Variants in LCP2 observed in about 807,000 individuals in gnomAD.
LCP2 encodes lymphocyte cytosolic protein 2, also known as 76 kDa tyrosine phosphoprotein.
Under a neutral mutation model 74.5 loss-of-function variants are expected in LCP2, and 29 were observed. The observed-to-expected ratio is 0.39, with a 90% CI of 0.29 to 0.53. The LOEUF is 0.53. Among genes scored for constraint, LCP2 ranks in the 20% least tolerant of loss-of-function variants. LCP2 has a pLI of 0.72. For synonymous variants in LCP2, 228 were observed against 229.5 expected (o/e 0.99, Z 0.06); for missense variants, 604 against 634.6 (o/e 0.95, Z 0.52).
chr5:170,256,693 C>T lies in LCP2; in HGVS notation c.1101-118G>A. The T allele has an allele frequency of 6.8e-6, 5 of 740,018 alleles. No homozygotes were observed. In the South Asian group the frequency reaches 7.4e-5, roughly 11 times the overall value. 45.8% of individuals were successfully genotyped at this position (740,018 alleles called of 1,614,324 possible). ...TCTTGATTTGGTATCACTTTCCCTG[C>T]TGCCCCCAAAACCATGGGGGCTGGG... On this transcript the variant is annotated intron_variant, in intron 16 of 20. Coordinates refer to ENST00000046794, the MANE Select transcript of LCP2 (RefSeq NM_005565.5). This position sits in a 1 kb window ranked among gnomAD's most constrained non-coding sequence, Gnocchi z 4.5.
intron 10 of LCP2, among the ~76,000 whole-genome samples, chr5:170,263,318 C>T (rs1369728530): frequency 6.6e-5 from 10 of 152,072 alleles, no homozygotes; most frequent in South Asian, 2.1e-4. Flanking sequence ...TTAATGTTTC[C>T]TTGGGATTTT....
chr5:170,250,532 A>G (rs768556030), intron 20 of LCP2, among the ~76,000 whole-genome samples, 198 bp downstream of exon 20: 2 of 152,258 alleles, frequency 1.3e-5, no homozygotes, highest in Non-Finnish European at 2.9e-5. Context: ...GAAAAGATAT[A>G]CAAGAAAGAA....
Position 170,256,598 on chromosome 5 carries a change from A to T in LCP2, c.1101-23T>A. On this transcript the variant is annotated intron_variant, in intron 16 of 20. Transcript: ENST00000046794. The surrounding 1 kb of genome is among the most constrained non-coding windows in gnomAD (Gnocchi z 4.5). ...TTACTGAGGAGACAGAAAAAGAACA[A>T]AATTTATTTGGATTGGGGTGATGGG... 1 of 1,589,514 alleles carries T rather than the reference A, an allele frequency of 6.3e-7. No individual in the cohort carries two copies. Among genetic ancestry groups the T allele is most frequent in the Non-Finnish European group, 8.6e-7 (1 of 1,158,018 alleles).
At position 170,268,428 on chromosome 5, in the gene LCP2, G is replaced by A. The variant is rs1407351630; in HGVS notation, c.578C>T (p.Pro193Leu). The change falls in exon 8 of 21, where the codon CCG becomes CTG. Residue 193 changes from proline to leucine, a missense_variant. Pro to Leu is a moderately conservative substitution (Grantham distance 98, BLOSUM62 -3). Transcript: ENST00000046794. The part of the protein sequence containing the change: ...PQQPPVPPQR[P>L]MAALPPPPAG... ...TGGTGGGGGCGGGAGGGCGGCCATCGGTCTCTGGGGGGGCACAGGAGGCTG... is the reference window on the plus strand; with the variant it reads ...TGGTGGGGGCGGGAGGGCGGCCATCAGTCTCTGGGGGGGCACAGGAGGCTG... 8 of 572,380 alleles carry A rather than the reference G, an allele frequency of 1.4e-5. No individual in the cohort carries two copies. The highest frequency in any genetic ancestry group is 2.0e-5 in the African/African-American group (1 of 50,002). The allele number at this position is 572,380 out of a possible 1,614,324, so 35.5% of individuals were successfully genotyped here. A position where few individuals can be genotyped will look rare whatever the true frequency, so the allele number is the denominator to read the frequency against.
At chr5:170,286,256 G>T (rs1363179511) in intron 3 of LCP2, among the ~76,000 whole-genome samples, 1 of 152,134 alleles carries the variant, frequency 6.6e-6, no homozygotes, top group African/African-American at 2.4e-5. Flanking sequence ...ATCAGATCCG[G>T]CTGACTATTG....
At chr5:170,276,019 C>T (rs1291933366) in intron 3 of LCP2, among the ~76,000 whole-genome samples, 159 bp from the exon 4 acceptor site, 2 of 152,208 alleles carry the variant, frequency 1.3e-5, no homozygotes, top group Non-Finnish European at 2.9e-5. Context: ...CTGCTCTTCA[C>T]TTCCTCCCAG....
chr5:170,277,760 A>AAAAG lies in LCP2; in HGVS notation c.189-1904_189-1901dup, dbSNP rs113722001. On this transcript the variant is annotated intron_variant, in intron 3 of 20. Coordinates refer to ENST00000046794, the MANE Select transcript of LCP2 (RefSeq NM_005565.5). ...CTTCGTCTCAAAAAAAAAAAAAAAA[A>AAAAG]AAAGAAAGAAATGGTATCCAAACCT... Among the ~76,000 whole-genome samples, 1,197 of 135,632 alleles carry AAAAG rather than the reference A, an allele frequency of 8.8e-3. 69 individuals carry two copies. Among genetic ancestry groups the AAAAG allele is most frequent in the Middle Eastern group, 0.012 (3 of 260 alleles). The allele number at this position is 135,632 out of a possible 152,430, so 89.0% of individuals were successfully genotyped here.
intron 2 of LCP2, among the ~76,000 whole-genome samples, chr5:170,289,774 A>C (rs1384891679): frequency 1.0e-4 from 11 of 108,566 alleles, no homozygotes; most frequent in East Asian, 2.5e-4. Flanking sequence ...TTTTTTCATC[A>C]CTGAGCAGCA....
At chr5:170,291,641 T>C (rs1484681880) in intron 2 of LCP2, among the ~76,000 whole-genome samples, 1 of 152,156 alleles carries the variant, frequency 6.6e-6, no homozygotes, top group African/African-American at 2.4e-5. Context: ...TGTGGGGAAT[T>C]ACAGAGCCGG....
At chr5:170,296,063 C>T (rs1256873495) in intron 1 of LCP2, among the ~76,000 whole-genome samples, 3 of 152,134 alleles carry the variant, frequency 2.0e-5, no homozygotes, top group Non-Finnish European at 2.9e-5. Flanking sequence ...CCTCTCAGCC[C>T]GTCCCAAGTC....
At position 170,268,477 on chromosome 5, in the gene LCP2, G is replaced by A. The variant is rs1386200427; in HGVS notation, c.529C>T (p.Pro177Ser). ...PNSNSMYIDR[P>S]PSGKTPQQPP... ...TGCTGGGGGGTTTTCCCAGAGGGGGGCCGGTCTGTGGAAACACAAGGTTAT... is the reference window on the plus strand; with the variant it reads ...TGCTGGGGGGTTTTCCCAGAGGGGGACCGGTCTGTGGAAACACAAGGTTAT... The change falls in exon 8 of 21, where the codon CCC becomes TCC. Residue 177 changes from proline to serine, a missense_variant. Coordinates refer to ENST00000046794, the MANE Select transcript of LCP2 (RefSeq NM_005565.5). 7.5e-6 allele frequency: 2 copies of A among 268,144 alleles called. No homozygotes were observed. Among genetic ancestry groups the A allele is most frequent in the Non-Finnish European group, 1.4e-5 (2 of 139,144 alleles). The allele number at this position is 268,144 out of a possible 1,614,324, so 16.6% of individuals were successfully genotyped here. A position where few individuals can be genotyped will look rare whatever the true frequency, so the allele number is the denominator to read the frequency against.
intron 6 of LCP2, among the ~76,000 whole-genome samples, chr5:170,272,457 A>G (rs936020949): frequency 1.3e-5 from 2 of 152,158 alleles, no homozygotes; most frequent in African/African-American, 2.4e-5. Flanking sequence ...TATTTCTTGT[A>G]AATGCCTGTA....
rs574482509 is a variant in LCP2 at position 170,256,008 on chromosome 5, A to G, written c.1150+518T>C. On this transcript the variant is annotated intron_variant, in intron 17 of 20. Coordinates refer to ENST00000046794, the MANE Select transcript of LCP2 (RefSeq NM_005565.5). The surrounding 1 kb of genome is among the most constrained non-coding windows in gnomAD (Gnocchi z 4.5). ...TGAACATGCTCCCCAACTCACAACC[A>G]TGGACAGATTGATCATGGAAATCTA... 2.0e-5 allele frequency among the ~76,000 whole-genome samples: 3 copies of G among 152,354 alleles called. No homozygotes were observed. The highest frequency in any genetic ancestry group is 1.9e-4 in the East Asian group (1 of 5,180).
At chr5:170,290,972 GAA>G (rs748773466) in intron 2 of LCP2, among the ~76,000 whole-genome samples, 3 of 37,202 alleles carry the variant, frequency 8.1e-5, no homozygotes, top group African/African-American at 2.9e-4. Context: ...AAGAAAGAAA[GAA>G]AGAAAGAAAG....
intron 1 of LCP2, among the ~76,000 whole-genome samples, chr5:170,296,743 C>T (rs1762393020): frequency 2.0e-5 from 3 of 152,214 alleles, no homozygotes; most frequent in Non-Finnish European, 4.4e-5. Flanking sequence ...ATCCTTCAAC[C>T]TTTCCTCTAA....
intron 7 of LCP2, among the ~76,000 whole-genome samples, chr5:170,268,833 G>A (rs930318798): frequency 5.0e-5 from 3 of 60,444 alleles, no homozygotes; most frequent in Admixed American, 2.0e-4. Flanking sequence ...GTAAACATAC[G>A]CATACCTCTG....
At chr5:170,257,290 A>G (rs528350306) in intron 16 of LCP2, among the ~76,000 whole-genome samples, 1 of 152,292 alleles carries the variant, frequency 6.6e-6, no homozygotes, top group South Asian at 2.1e-4. Context: ...CAGCGGGAAG[A>G]GGGAGAAGAG....
chr5:170,296,773 A>G (rs894530724), intron 1 of LCP2, among the ~76,000 whole-genome samples: 6 of 152,204 alleles, frequency 3.9e-5, no homozygotes, highest in Non-Finnish European at 4.4e-5. Flanking sequence ...ATAAGACAGC[A>G]ACGCTCTGGT....
chr5:170,281,906 A>G (rs964700825), intron 3 of LCP2, among the ~76,000 whole-genome samples: 1 of 152,218 alleles, frequency 6.6e-6, no homozygotes, highest in African/African-American at 2.4e-5. Context: ...ATTTAAATAT[A>G]AAACTTATAA....
Sources: gnomAD v4.1 joint callset for allele counts (sites outside exome capture counted in the v4.1 genomes callset) on GRCh38, gnomAD v4.1.1 for gene constraint, Gnocchi (gnomAD v3.1) non-coding constraint, MANE v1.5 for transcripts, NCBI Gene and HGNC (gene_info 2026-07-23, HGNC 2026-07-21) for gene names.